UROC1: variants seen among roughly 807,000 people sequenced by gnomAD.
UROC1 encodes the protein urocanate hydratase 1.
Under a neutral mutation model 89.5 loss-of-function variants are expected in UROC1, and 79 were observed. That is an observed-to-expected ratio of 0.88 (90% CI 0.74 to 1.06). The LOEUF (loss-of-function observed/expected upper bound fraction) is 1.06. Ranked by LOEUF, UROC1 falls within the 50% of genes least tolerant of loss-of-function variation. The probability of loss-of-function intolerance (pLI) is 0.00; values close to 1 mark genes in which losing one functional copy is unlikely to be tolerated. For synonymous variants in UROC1, 361 were observed against 354.8 expected (o/e 1.02, Z -0.20); for missense variants, 885 against 907.8 (o/e 0.97, Z 0.32).
intron 12 of UROC1, 104 bp from the exon 13 acceptor site, chr3:126,499,513 A>T (rs1935865049): frequency 8.8e-7 from 1 of 1,135,670 alleles, no homozygotes; most frequent in African/African-American, 1.5e-5. Context: ...GGAAGGATGC[A>T]CAAGGTCTTT....
chr3:126,506,032 C>T lies in UROC1; in HGVS notation c.603-21G>A, dbSNP rs1198095077. 3 of 1,613,288 alleles carry T rather than the reference C, an allele frequency of 1.9e-6. No individual in the cohort carries two copies. In the South Asian group the frequency reaches 3.3e-5, roughly 18 times the overall value. ...CGTACCTGACCACAGGGAGAGAAGC[C>T]AAGCCCAGGGCTCAGCCAGTGCCAG... is the stretch of plus-strand genomic sequence containing the variant. On this transcript the variant is annotated intron_variant, in intron 6 of 19. Coordinates refer to ENST00000290868, the MANE Select transcript of UROC1 (RefSeq NM_144639.3).
chr3:126,489,428 T>G, intron 16 of UROC1, 53 bp from the exon 17 acceptor site: 1 of 1,467,300 alleles, frequency 6.8e-7, no homozygotes, highest in Middle Eastern at 1.7e-4. Flanking sequence ...CATGGCTTCC[T>G]GGTAAAGACT....
At chr3:126,507,928 A>T in intron 5 of UROC1, 39 bp downstream of exon 5, 1 of 1,613,356 alleles carries the variant, frequency 6.2e-7, no homozygotes, top group Non-Finnish European at 8.5e-7. Flanking sequence ...CTCTCTTTGG[A>T]GCCCTGGGCA....
At chr3:126,497,091 C>T (rs1450560713) in intron 14 of UROC1, among the ~76,000 whole-genome samples, 2 of 152,212 alleles carry the variant, frequency 1.3e-5, no homozygotes, top group African/African-American at 4.8e-5. Flanking sequence ...TGCCTGGGCC[C>T]CTGCCCGCCT....
At chr3:126,489,447 G>T in intron 16 of UROC1, 72 bp from the exon 17 acceptor site, 1 of 1,278,930 alleles carries the variant, frequency 7.8e-7, no homozygotes, top group Non-Finnish European at 1.1e-6. Flanking sequence ...CTGAGGACAA[G>T]GGGCAGGTCA....
In UROC1 at chr3:126,483,448, C is replaced by G. The variant is rs760134412; in HGVS notation, c.1811G>C (p.Gly604Ala). ...GGTACCGTCCAGCACGAGGCCGAAT[C>G]CCCCGTTGATCACCTCACCCCTGCA... ...GVGWGEVING[G>A]FGLVLDGTPE... Residue 604 changes from glycine to alanine, a missense_variant, in exon 19 of 20, where the codon GGA becomes GCA. By Grantham distance (60) the Gly-to-Ala change is moderately conservative (BLOSUM62 0). Coordinates refer to ENST00000290868, the MANE Select transcript of UROC1 (RefSeq NM_144639.3). 1.9e-6 allele frequency: 3 copies of G among 1,613,686 alleles called. No individual in the cohort carries two copies. Among genetic ancestry groups the G allele is most frequent in the Admixed American group, 1.7e-5 (1 of 60,020 alleles).
rs771977054 is a variant in UROC1 at position 126,482,386 on chromosome 3, C to T, written c.1990G>A (p.Val664Met). The T allele has an allele frequency of 1.9e-6, 3 of 1,613,880 alleles. No homozygotes were observed. The highest frequency in any genetic ancestry group is 2.5e-6 in the Non-Finnish European group (3 of 1,179,994). Reference protein sequence around the residue: ...STLVVTLPHKVEDERVLQQAL... With the variant: ...STLVVTLPHKMEDERVLQQAL... The stretch of plus-strand genomic sequence containing the variant: ...TGCTGGAGCACCCGCTCGTCCTCCA[C>T]CTTGTGAGGCAGTGTCACCACCAAG... The change falls in exon 20 of 20, where the codon GTG becomes ATG. Residue 664 changes from valine to methionine, a missense_variant. Val to Met is a conservative substitution (Grantham distance 21). Transcript: ENST00000290868.
intron 9 of UROC1, chr3:126,501,777 T>C: frequency 6.3e-7 from 1 of 1,598,112 alleles, no homozygotes; most frequent in Non-Finnish European, 8.5e-7. Context: ...ATGGTCCCCA[T>C]GAAAGAGCAG....
At chr3:126,493,031 G>A (rs1935690054) in intron 15 of UROC1, among the ~76,000 whole-genome samples, 1 of 152,168 alleles carries the variant, frequency 6.6e-6, no homozygotes, top group African/African-American at 2.4e-5. Context: ...AAGAGGTGGA[G>A]CCACCTGTCT....
intron 9 of UROC1, 22 bp downstream of exon 9, chr3:126,503,973 G>A (rs370436136): frequency 3.1e-5 from 50 of 1,613,750 alleles, no homozygotes; most frequent in African/African-American, 3.1e-4. Flanking sequence ...TCAGGTGTCC[G>A]GAGTTGAGCT....
chr3:126,490,620 G>GTA (rs1419471349), intron 16 of UROC1, among the ~76,000 whole-genome samples: 4 of 152,020 alleles, frequency 2.6e-5, no homozygotes, highest in African/African-American at 9.7e-5. Context: ...GGGGGGTGGA[G>GTA]GTTGCAGTGA....
At chr3:126,505,887 C>T (rs199959295) in intron 7 of UROC1, 43 bp from the exon 8 acceptor site, 349 of 1,611,200 alleles carry the variant, frequency 2.2e-4, no homozygotes, top group Non-Finnish European at 2.8e-4. Flanking sequence ...ACTCCCAGCC[C>T]GCCCCCTCCA....
At chr3:126,485,624 T>C in intron 18 of UROC1, among the ~76,000 whole-genome samples, 1 of 150,134 alleles carries the variant, frequency 6.7e-6, no homozygotes. Flanking sequence ...AGAGGGTGTC[T>C]CACTATGTTT....
At chr3:126,509,496 T>G in intron 3 of UROC1, 89 bp downstream of exon 3, 1 of 1,268,664 alleles carries the variant, frequency 7.9e-7, no homozygotes, top group Non-Finnish European at 1.1e-6. Context: ...TATAATTATC[T>G]CAAAATTAAG....
intron 15 of UROC1, among the ~76,000 whole-genome samples, chr3:126,494,364 T>C (rs1935726404): frequency 6.6e-6 from 1 of 152,048 alleles, no homozygotes; most frequent in Non-Finnish European, 1.5e-5. Context: ...CTGGCATCCA[T>C]CCTCTCAGGC....
chr3:126,495,515 A>G (rs1935756208), intron 15 of UROC1, among the ~76,000 whole-genome samples: 1 of 152,142 alleles, frequency 6.6e-6, no homozygotes, highest in Admixed American at 6.5e-5. Flanking sequence ...ATTCCATCTC[A>G]TGGTTAACCC....
At chr3:126,505,615 G>GT (rs1936035649) in intron 8 of UROC1, 86 bp downstream of exon 8, 2 of 1,540,268 alleles carry the variant, frequency 1.3e-6, no homozygotes, top group Non-Finnish European at 1.7e-6. Flanking sequence ...GGGGTCTGTG[G>GT]TGTAAGTGAT....
intron 11 of UROC1, 130 bp from the exon 12 acceptor site, chr3:126,500,284 G>C: frequency 1.1e-6 from 1 of 872,644 alleles, no homozygotes; most frequent in Non-Finnish European, 1.8e-6. Flanking sequence ...CCTGCTCCTC[G>C]GGTCGGCACC....
In UROC1 at chr3:126,489,390, A is replaced by G; in HGVS notation, c.1609-15T>C. 6.2e-7 allele frequency: 1 copy of G among 1,609,376 alleles called. No individual in the cohort carries two copies. On this transcript the variant is annotated splice_polypyrimidine_tract_variant and intron_variant, in intron 16 of 19. Transcript: ENST00000290868. ...ACCACCGGCGCCTGTGCATGGAAGG[A>G]CAGAAGCTGTCAGCCAACAGTGTCC... is the stretch of plus-strand genomic sequence containing the variant.
Sources: gnomAD v4.1 joint callset for allele counts (sites outside exome capture counted in the v4.1 genomes callset) on GRCh38, gnomAD v4.1.1 for gene constraint, MANE v1.5 for transcripts, NCBI Gene and HGNC (gene_info 2026-07-23, HGNC 2026-07-21) for gene names.